The following SLC43A2 variants were observed in gnomAD, a reference collection of about 807,000 sequenced individuals.
The protein encoded by SLC43A2 is solute carrier family 43 member 2.
A neutral mutation model predicts 63.2 loss-of-function variants in SLC43A2; 38 were observed. The observed-to-expected ratio is 0.60, with a 90% confidence interval of 0.46 to 0.79. The LOEUF is 0.79. SLC43A2 is among the 30% of genes least tolerant of loss of function. SLC43A2 has a pLI of 0.00. For missense variants in SLC43A2, 644 were observed against 756.2 expected (o/e 0.85, Z 1.74); for synonymous variants, 322 against 331.0 (o/e 0.97, Z 0.30).
chr17:1,580,164 C>T (rs922981495), intron 11 of SLC43A2, among the ~76,000 whole-genome samples: 11 of 152,206 alleles, frequency 7.2e-5, no homozygotes, highest in African/African-American at 1.9e-4. Context: ...GTGATCCACC[C>T]GCGTTGGCCT....
At chr17:1,616,373 T>C (rs1907663454) in intron 3 of SLC43A2, 189 bp downstream of exon 3, 3 of 622,868 alleles carry the variant, frequency 4.8e-6, no homozygotes, top group Non-Finnish European at 8.3e-6. Context: ...TATTCGGTAC[T>C]GGAGCACGGC....
chr17:1,629,257 C>A (rs1908976051), upstream of SLC43A2, among the ~76,000 whole-genome samples: 2 of 152,100 alleles, frequency 1.3e-5, no homozygotes, highest in Non-Finnish European at 2.9e-5. Flanking sequence ...CTGCCCCCTG[C>A]GCGCGGGTCA....
intron 2 of SLC43A2, among the ~76,000 whole-genome samples, chr17:1,624,088 GGCACCTTC>G (rs1567651681): frequency 6.6e-6 from 1 of 152,096 alleles, no homozygotes; most frequent in Admixed American, 6.6e-5. Context: ...CACCCAGCAC[GGCACCTTC>G]GTCAATGTTT....
At chr17:1,594,212 G>C (rs955657825) in intron 5 of SLC43A2, among the ~76,000 whole-genome samples, 3 of 152,176 alleles carry the variant, frequency 2.0e-5, no homozygotes, top group Non-Finnish European at 2.9e-5. Flanking sequence ...GAAGGCCAAC[G>C]GGAAGCAAGG....
chr17:1,622,940 A>C (rs1908304637), intron 2 of SLC43A2, among the ~76,000 whole-genome samples: 1 of 149,768 alleles, frequency 6.7e-6, no homozygotes, highest in African/African-American at 2.5e-5. Context: ...ATAAAATACA[A>C]ATACAAATAC....
At chr17:1,580,823 C>T (rs890854372) in intron 11 of SLC43A2, among the ~76,000 whole-genome samples, 39 of 151,598 alleles carry the variant, frequency 2.6e-4, no homozygotes, top group African/African-American at 7.5e-4. Flanking sequence ...CTCAACTTCC[C>T]GGGGTGCAGT....
intron 5 of SLC43A2, among the ~76,000 whole-genome samples, chr17:1,594,067 C>T (rs1489244556): frequency 1.3e-5 from 2 of 152,054 alleles, no homozygotes; most frequent in Middle Eastern, 3.2e-3. Flanking sequence ...TCAAGTGATC[C>T]GCCCGCCTCG....
At chr17:1,619,598 C>T (rs1012020655) in intron 2 of SLC43A2, among the ~76,000 whole-genome samples, 1 of 152,236 alleles carries the variant, frequency 6.6e-6, no homozygotes, top group Non-Finnish European at 1.5e-5. Flanking sequence ...TGTACACCGC[C>T]ACAGCCGACA....
rs1411589320 is a variant in SLC43A2 at position 1,569,846 on chromosome 17, C to T, written c.*5758G>A. On this transcript the variant is annotated 3_prime_UTR_variant, in exon 14 of 14. Coordinates refer to ENST00000301335, the MANE Select transcript of SLC43A2 (RefSeq NM_152346.3). ...TTAAGGCTTTGCTCGGAGAGGGCTT[C>T]GGAGAAGGGTGGGGTCAGCAGATAC... 5.5e-5 allele frequency: 8 copies of T among 145,946 alleles called. No homozygotes were observed. The highest frequency in any genetic ancestry group is 4.0e-4 in the East Asian group (2 of 4,968). 9.0% of individuals were successfully genotyped at this position (145,946 alleles called of 1,614,324 possible).
chr17:1,616,041 T>C (rs917939739), intron 3 of SLC43A2, among the ~76,000 whole-genome samples: 4 of 144,494 alleles, frequency 2.8e-5, no homozygotes, highest in Admixed American at 6.9e-5. Context: ...AGACTCCGTC[T>C]TGAAAAAAAA....
At chr17:1,604,397 C>T in intron 5 of SLC43A2, 2 of 259,108 alleles carry the variant, frequency 7.7e-6, no homozygotes, top group East Asian at 1.5e-4. Flanking sequence ...TGCTGTATTG[C>T]CCAGGCTGGA....
chr17:1,593,391 C>T lies in SLC43A2; in HGVS notation c.502-112G>A, dbSNP rs1905001391. The stretch of plus-strand genomic sequence containing the variant: ...GGCCCCTTCTTCACCTGCGCCCCTT[C>T]CTGTGTGACTCACAGGGGCATTAGT... On this transcript the variant is annotated intron_variant, in intron 5 of 13. Transcript: ENST00000301335. This position sits in a 1 kb window ranked among gnomAD's most constrained non-coding sequence, Gnocchi z 5.3. The T allele has an allele frequency of 3.3e-6, 3 of 917,818 alleles. No homozygotes were observed. The highest frequency in any genetic ancestry group is 5.2e-6 in the Non-Finnish European group (3 of 578,684). The allele number at this position is 917,818 out of a possible 1,614,324, so 56.9% of individuals were successfully genotyped here. A position where few individuals can be genotyped will look rare whatever the true frequency, so the allele number is the denominator to read the frequency against.
rs200621059 is a variant in SLC43A2, at chr17:1,590,818, G to A, written c.1062C>T (p.Ser354=). The A allele has an allele frequency of 3.9e-6, 6 of 1,555,324 alleles. No individual in the cohort carries two copies. Among genetic ancestry groups the A allele is most frequent in the South Asian group, 1.2e-5 (1 of 84,332 alleles). ...GGCACCTACCTGTCTTCTGGTCGCC[G>A]CTGACCAGGAACTTGAGGATGTTGT... is the stretch of plus-strand genomic sequence containing the variant. ...AMNNILKFLV[S]GDQKTVGLYT... is the part of the protein sequence containing the mutation. The change falls in exon 9 of 14, where the codon AGC becomes AGT. Residue 354 remains serine, a synonymous_variant. Coordinates refer to ENST00000301335, the MANE Select transcript of SLC43A2 (RefSeq NM_152346.3).
At chr17:1,594,212 G>T (rs955657825) in intron 5 of SLC43A2, among the ~76,000 whole-genome samples, 1 of 152,176 alleles carries the variant, frequency 6.6e-6, no homozygotes, top group African/African-American at 2.4e-5. Flanking sequence ...GAAGGCCAAC[G>T]GGAAGCAAGG....
intron 5 of SLC43A2, among the ~76,000 whole-genome samples, chr17:1,594,104 C>T (rs112521602): frequency 0.013 from 1,952 of 152,192 alleles, 55 homozygotes; most frequent in African/African-American, 0.044. Flanking sequence ...GGACTACAGG[C>T]GTGAGCCACC....
At chr17:1,617,067 T>C (rs1332940322) in intron 2 of SLC43A2, among the ~76,000 whole-genome samples, 1 of 152,256 alleles carries the variant, frequency 6.6e-6, no homozygotes, top group Admixed American at 6.5e-5. Context: ...GAGCTTTGTG[T>C]GTCCCTTGAA....
At chr17:1,603,781 G>A (rs964458147) in intron 5 of SLC43A2, among the ~76,000 whole-genome samples, 10 of 148,724 alleles carry the variant, frequency 6.7e-5, no homozygotes, top group African/African-American at 2.4e-4. Flanking sequence ...GTGAAACTCT[G>A]CCTCAAAAAA....
At chr17:1,586,629 G>A (rs746763919) in intron 9 of SLC43A2, among the ~76,000 whole-genome samples, 4 of 152,054 alleles carry the variant, frequency 2.6e-5, no homozygotes, top group African/African-American at 9.7e-5. Context: ...GGAGGTGAAG[G>A]TTGCAGTGAG....
chr17:1,601,467 C>T lies in SLC43A2; in HGVS notation c.502-8188G>A, dbSNP rs1014763293. Among the ~76,000 whole-genome samples the T allele has an allele frequency of 1.3e-5, 2 of 152,126 alleles. 1 individual carries two copies. Among genetic ancestry groups the T allele is most frequent in the South Asian group, 4.1e-4 (2 of 4,836 alleles). ...GCCTGCTTCACACAGCCGACAACCC[C>T]GCTGGAAACAACCAGTGCTGGGAGC... On this transcript the variant is annotated intron_variant, in intron 5 of 13. Transcript: ENST00000301335.
Sources: gnomAD v4.1 joint callset for allele counts (sites outside exome capture counted in the v4.1 genomes callset) on GRCh38, gnomAD v4.1.1 for gene constraint, Gnocchi (gnomAD v3.1) non-coding constraint, MANE v1.5 for transcripts, NCBI Gene and HGNC (gene_info 2026-07-23, HGNC 2026-07-21) for gene names.